AGBL4: variants seen among roughly 807,000 people sequenced by gnomAD.
The protein encoded by AGBL4 is cytosolic carboxypeptidase 6.
A neutral mutation model predicts 66.4 loss-of-function variants in AGBL4; 58 were observed. The ratio of observed to expected loss-of-function variants is 0.87; its 90% CI spans 0.71 to 1.09. AGBL4 has a LOEUF of 1.09. Among genes scored for constraint, AGBL4 ranks in the 50% least tolerant of loss-of-function variants. The pLI, the probability that AGBL4 is intolerant of heterozygous loss-of-function variation, is 0.00. For synonymous variants in AGBL4, 234 were observed against 222.9 expected, an observed-to-expected ratio of 1.05 and a Z score of -0.44; for missense variants, 579 against 631.0, an observed-to-expected ratio of 0.92 and a Z score of 0.88.
At chr1:48,676,685 G>T (rs1184394035) in intron 6 of AGBL4, among the ~76,000 whole-genome samples, 2 of 152,162 alleles carry the variant, frequency 1.3e-5, no homozygotes, top group Admixed American at 1.3e-4. Flanking sequence ...GCAGAAACAG[G>T]CTCCTGTGGA....
chr1:49,301,793 CCCCA>C (rs1644749458), intron 3 of AGBL4, among the ~76,000 whole-genome samples: 1 of 152,012 alleles, frequency 6.6e-6, no homozygotes, highest in African/African-American at 2.4e-5. Flanking sequence ...GACCGATGAC[CCCCA>C]CCCAGGAATG....
At chr1:49,200,460 A>T (rs1647597571) in intron 4 of AGBL4, among the ~76,000 whole-genome samples, 1 of 152,164 alleles carries the variant, frequency 6.6e-6, no homozygotes. Context: ...CTATCTGAAG[A>T]TAGTGTCAGA....
At chr1:49,116,673 A>G (rs1248145803) in intron 4 of AGBL4, among the ~76,000 whole-genome samples, 1 of 152,258 alleles carries the variant, frequency 6.6e-6, no homozygotes, top group Non-Finnish European at 1.5e-5. Context: ...TAGTGCCACA[A>G]TAAACATATG....
chr1:49,318,377 T>C (rs1334892136), intron 3 of AGBL4, among the ~76,000 whole-genome samples: 1 of 149,606 alleles, frequency 6.7e-6, no homozygotes, highest in Non-Finnish European at 1.5e-5. Flanking sequence ...TACGGGAATA[T>C]TTAAATGCAG....
intron 3 of AGBL4, among the ~76,000 whole-genome samples, chr1:49,507,788 C>A (rs1304225988): frequency 6.6e-6 from 1 of 151,710 alleles, no homozygotes; most frequent in Non-Finnish European, 1.5e-5. Flanking sequence ...TACAAGGATT[C>A]ATAATTTTAT....
At chr1:49,862,531 C>G (rs756613820) in intron 1 of AGBL4, among the ~76,000 whole-genome samples, 2 of 151,950 alleles carry the variant, frequency 1.3e-5, no homozygotes, top group Non-Finnish European at 2.9e-5. Flanking sequence ...AATATACAAG[C>G]ACAAAAAGGT....
intron 3 of AGBL4, among the ~76,000 whole-genome samples, chr1:49,578,861 T>C (rs1456965601): frequency 6.6e-6 from 1 of 152,156 alleles, no homozygotes; most frequent in African/African-American, 2.4e-5. Context: ...GCCAACTTGA[T>C]TGAATTGAAG....
At position 50,023,776 on chromosome 1, in the gene AGBL4, C is replaced by A. The variant is rs1160796802; in HGVS notation, c.21G>T (p.Ser7=). Residue 7 remains serine (S), a synonymous_variant, in exon 1 of 14, where the codon TCG becomes TCT. Transcript: ENST00000371839. ...GCCCCCACAGACCTGCCTCAGGCGCCGACTGGCTCCCCTCCGCCATTTTTG... is the reference window on the plus strand; with the variant it reads ...GCCCCCACAGACCTGCCTCAGGCGCAGACTGGCTCCCCTCCGCCATTTTTG... MAEGSQ[S]APEAGNDMGN... The A allele has an allele frequency of 6.5e-7, 1 of 1,549,416 alleles. No individual in the cohort carries two copies. Among genetic ancestry groups the A allele is most frequent in the Admixed American group, 2.0e-5 (1 of 50,684 alleles).
chr1:48,647,380 AT>A (rs1645854689), intron 8 of AGBL4, among the ~76,000 whole-genome samples: 1 of 152,232 alleles, frequency 6.6e-6, no homozygotes, highest in Non-Finnish European at 1.5e-5. Flanking sequence ...TAATATTGCA[AT>A]TCAGCATGTG....
intron 3 of AGBL4, among the ~76,000 whole-genome samples, chr1:49,646,302 T>C (rs995114310): frequency 1.3e-5 from 2 of 152,062 alleles, no homozygotes; most frequent in East Asian, 1.9e-4. Flanking sequence ...ATGGAATCTA[T>C]GTGAAAAGCT....
intron 3 of AGBL4, among the ~76,000 whole-genome samples, chr1:49,593,408 A>T (rs1221466422): frequency 1.3e-5 from 2 of 152,186 alleles, no homozygotes; most frequent in Non-Finnish European, 2.9e-5. Flanking sequence ...CTCTGTCTCA[A>T]AAAAATTCAA....
intron 3 of AGBL4, among the ~76,000 whole-genome samples, chr1:49,559,990 A>G (rs1643994800): frequency 6.6e-6 from 1 of 152,284 alleles, no homozygotes; most frequent in Admixed American, 6.5e-5. Context: ...ATATCTGGAA[A>G]GCCTTCCCAA....
chr1:48,824,931 C>A (rs1358967264), intron 6 of AGBL4, among the ~76,000 whole-genome samples: 3 of 152,234 alleles, frequency 2.0e-5, no homozygotes, highest in Admixed American at 6.5e-5. Flanking sequence ...AATCTCTTAA[C>A]CTTACTGAGC....
intron 6 of AGBL4, among the ~76,000 whole-genome samples, chr1:48,797,874 A>T (rs1446662428): frequency 2.6e-5 from 4 of 152,084 alleles, no homozygotes; most frequent in African/African-American, 9.7e-5. Context: ...TTATCCACTC[A>T]TTGGTTGATG....
chr1:49,838,228 G>A (rs929702309), intron 2 of AGBL4, among the ~76,000 whole-genome samples: 4 of 152,096 alleles, frequency 2.6e-5, no homozygotes, highest in Non-Finnish European at 5.9e-5. Context: ...TGAGAGCTCC[G>A]GCTATCCAAC....
chr1:49,625,522 G>A (rs1230568731), intron 3 of AGBL4, among the ~76,000 whole-genome samples: 3 of 152,144 alleles, frequency 2.0e-5, no homozygotes, highest in Non-Finnish European at 4.4e-5. Flanking sequence ...TCATCTCCTT[G>A]TTGGCTTATC....
intron 4 of AGBL4, among the ~76,000 whole-genome samples, chr1:49,224,669 C>G (rs1293232234): frequency 2.0e-5 from 3 of 149,776 alleles, no homozygotes; most frequent in East Asian, 3.9e-4. Context: ...TTCAGCAGTA[C>G]CAAAAAACTC....
rs752181539 is a variant in AGBL4, at chr1:48,991,661, A to AT, written c.594+53922dup. ...CCTAGTCTTGTAGGTGTGCTATATT[A>AT]TTTTTTATTCTTTTTCTCTCTTTTG... On this transcript the variant is annotated intron_variant, in intron 5 of 13. Coordinates refer to ENST00000371839, the MANE Select transcript of AGBL4 (RefSeq NM_032785.4). 2.6e-5 allele frequency among the ~76,000 whole-genome samples: 4 copies of AT among 151,986 alleles called. No homozygotes were observed. The East Asian group carries it at 7.8e-4, about 29-fold the overall frequency.
At chr1:49,397,811 A>G (rs1224640115) in intron 3 of AGBL4, among the ~76,000 whole-genome samples, 1 of 152,208 alleles carries the variant, frequency 6.6e-6, no homozygotes, top group Non-Finnish European at 1.5e-5. Flanking sequence ...TCATCCATTT[A>G]TCTACACATA....
Sources: allele counts gnomAD v4.1 joint callset (sites outside exome capture counted in the v4.1 genomes callset), GRCh38; gene constraint gnomAD v4.1.1; transcripts MANE v1.5; gene names NCBI Gene and HGNC (gene_info 2026-07-23, HGNC 2026-07-21).